The following XPO5 variants were observed in gnomAD, a reference collection of about 807,000 sequenced individuals.
The protein encoded by XPO5 is exportin 5.
Under a neutral mutation model 160.6 loss-of-function variants are expected in XPO5, and 46 were observed. The observed-to-expected ratio is 0.29, with a 90% CI of 0.23 to 0.37. XPO5 has a LOEUF of 0.37. XPO5 is among the 10% of genes least tolerant of loss of function. The pLI is 1.00. For missense variants in XPO5, 1,090 were observed against 1,463.9 expected (o/e 0.74, Z 4.17); for synonymous variants, 537 against 519.3 (o/e 1.03, Z -0.46).
intron 20 of XPO5, chr6:43,539,167 G>T: frequency 9.1e-7 from 1 of 1,099,538 alleles, no homozygotes. Flanking sequence ...TGCAGGGGAC[G>T]GTGTGGGGCT....
At chr6:43,559,134 T>A (rs1291342989) in intron 11 of XPO5, 1 of 152,328 alleles carries the variant, frequency 6.6e-6, no homozygotes, top group African/African-American at 2.4e-5. Flanking sequence ...CTGTCTCTAC[T>A]AAAATACAAA....
At chr6:43,563,127 T>A (rs1324778615) in intron 8 of XPO5, among the ~76,000 whole-genome samples, 1 of 152,118 alleles carries the variant, frequency 6.6e-6, no homozygotes, top group Non-Finnish European at 1.5e-5. Flanking sequence ...TGCTTTAATA[T>A]TTTTTCTTTT....
In XPO5 at chr6:43,555,835, C is replaced by A. The variant is rs990250564; in HGVS notation, c.1441+1G>T. On this transcript the variant is annotated splice_donor_variant, in intron 13 of 31. Transcript: ENST00000265351. LOFTEE classifies it high-confidence loss of function. ...AACATTCAGTAATGAAAAAAACTTACAATTCACAGAACCAGCATCAAGAAA... is the reference window on the plus strand; with the variant it reads ...AACATTCAGTAATGAAAAAAACTTAAAATTCACAGAACCAGCATCAAGAAA... 6.2e-6 allele frequency: 10 copies of A among 1,613,568 alleles called. No homozygotes were observed. The highest frequency in any genetic ancestry group is 3.3e-5 in the Admixed American group (2 of 59,902).
intron 31 of XPO5, 66 bp from the exon 32 acceptor site, chr6:43,524,071 C>T (rs1407303517): frequency 1.3e-5 from 20 of 1,571,136 alleles, no homozygotes; most frequent in Non-Finnish European, 1.7e-5. Context: ...ATTCTCTTGG[C>T]CCGGCGCAGT....
At position 43,567,352 on chromosome 6, in the gene XPO5, C is replaced by T. The variant is rs765845766; in HGVS notation, c.651G>A (p.Ala217=). The change falls in exon 7 of 32, where the codon GCG becomes GCA. Residue 217 remains alanine (A), a splice_region_variant and synonymous_variant. Transcript: ENST00000265351. ...VKTDTSQESK[A]QANCRVGVAA... is the part of the protein sequence containing the mutation. The stretch of plus-strand genomic sequence containing the variant: ...CAACTCCTACTCGACAGTTTGCTTG[C>T]GCCTACCAGAAAAGAAGTAACTTTG... 1.7e-5 allele frequency: 27 copies of T among 1,598,510 alleles called. No homozygotes were observed. Among genetic ancestry groups the T allele is most frequent in the South Asian group, 2.3e-5 (2 of 88,304 alleles).
intron 20 of XPO5, chr6:43,539,574 G>C: frequency 7.3e-7 from 1 of 1,362,798 alleles, no homozygotes; most frequent in Non-Finnish European, 1.0e-6. Context: ...CCTCAGCCCC[G>C]GCCCGGTCCA....
Position 43,565,766 on chromosome 6 carries a change from T to C in XPO5, c.835-30A>G, listed in dbSNP as rs114292491. On this transcript the variant is annotated intron_variant, in intron 7 of 31. Transcript: ENST00000265351. ...ACCCAATTTTAGGGAAACATAGTCATATAAACTATACTTCAAAGTACCGAC... is the reference window on the plus strand; with the variant it reads ...ACCCAATTTTAGGGAAACATAGTCACATAAACTATACTTCAAAGTACCGAC... 65 of 1,525,882 alleles carry C rather than the reference T, an allele frequency of 4.3e-5. No homozygotes were observed. In the African/African-American group the frequency reaches 7.7e-4, roughly 18 times the overall value. The allele number at this position is 1,525,882 out of a possible 1,614,324, so 94.5% of individuals were successfully genotyped here. A position where few individuals can be genotyped will look rare whatever the true frequency, so the allele number is the denominator to read the frequency against.
chr6:43,552,890 G>C (rs999679191), intron 14 of XPO5, among the ~76,000 whole-genome samples: 2 of 152,214 alleles, frequency 1.3e-5, no homozygotes, highest in Non-Finnish European at 2.9e-5. Context: ...AGTGCTTAGA[G>C]TTAGAAAGAC....
chr6:43,560,641 A>G (rs1231702172), intron 10 of XPO5, among the ~76,000 whole-genome samples: 1 of 152,216 alleles, frequency 6.6e-6, no homozygotes, highest in Non-Finnish European at 1.5e-5. Context: ...TTTTGTTTCA[A>G]AAATCTTTAT....
In XPO5 at chr6:43,523,212, C is replaced by T. The variant is rs1793306690; in HGVS notation, c.*656G>A. 2.3e-5 allele frequency: 4 copies of T among 172,610 alleles called. No individual in the cohort carries two copies. In the South Asian group the frequency reaches 5.2e-4, roughly 23 times the overall value. 10.7% of individuals were successfully genotyped at this position (172,610 alleles called of 1,614,324 possible). A position where few individuals can be genotyped will look rare whatever the true frequency, so the allele number is the denominator to read the frequency against. ...GGGGATGTTAGCACTAAAGACTTCC[C>T]AGCCCTGGTCCTTGGAGGTACTATA... On this transcript the variant is annotated 3_prime_UTR_variant, in exon 32 of 32. Coordinates refer to ENST00000265351, the MANE Select transcript of XPO5 (RefSeq NM_020750.3).
intron 8 of XPO5, among the ~76,000 whole-genome samples, chr6:43,563,947 G>A (rs1762551585): frequency 6.6e-6 from 1 of 152,094 alleles, no homozygotes; most frequent in African/African-American, 2.4e-5. Flanking sequence ...TTTAGAGATG[G>A]AGTCTCACTC....
chr6:43,534,379 A>G (rs913256427), intron 20 of XPO5, among the ~76,000 whole-genome samples: 1 of 152,210 alleles, frequency 6.6e-6, no homozygotes. Flanking sequence ...AGGTAGGAAC[A>G]CAGAGGAGGT....
intron 17 of XPO5, among the ~76,000 whole-genome samples, chr6:43,549,157 G>A: frequency 6.6e-6 from 1 of 152,158 alleles, no homozygotes. Flanking sequence ...CGCCTCCTGA[G>A]TTCAAGTGAT....
intron 2 of XPO5, 105 bp downstream of exon 2, chr6:43,573,375 G>A: frequency 7.0e-7 from 1 of 1,426,594 alleles, no homozygotes. Flanking sequence ...CTCTCTTCTT[G>A]GAGATTGCTC....
intron 21 of XPO5, among the ~76,000 whole-genome samples, chr6:43,532,661 T>G (rs1417326366): frequency 6.6e-6 from 1 of 152,190 alleles, no homozygotes; most frequent in Admixed American, 6.5e-5. Flanking sequence ...CCTAGCTAGT[T>G]CGTACTCATC....
In XPO5 at chr6:43,549,561, T is replaced by C. The variant is rs769701064; in HGVS notation, c.1788A>G (p.Ala596=). ...VEESKAPRTR[A]VRNVRRHACS... is the part of the protein sequence containing the mutation. ...AAGCATGCCTCCTCACATTCCTCAC[T>C]GCCCGGGTTCTGGGGGCCTGAAAAG... Residue 596 remains alanine (A), a synonymous_variant, in exon 17 of 32, where the codon GCA becomes GCG. Transcript: ENST00000265351. 1 of 1,613,462 alleles carries C rather than the reference T, an allele frequency of 6.2e-7. No individual in the cohort carries two copies. Among genetic ancestry groups the C allele is most frequent in the Non-Finnish European group, 8.5e-7 (1 of 1,179,734 alleles).
chr6:43,527,754 G>A, intron 25 of XPO5, 23 bp from the exon 26 acceptor site: 1 of 1,613,028 alleles, frequency 6.2e-7, no homozygotes. Context: ...AGGGGGCCAA[G>A]TTCCACAGGA....
At position 43,549,516 on chromosome 6, in the gene XPO5, C is replaced by A; in HGVS notation, c.1833G>T (p.Met611Ile). The change falls in exon 17 of 32, where the codon ATG becomes ATT. Residue 611 changes from methionine (M) to isoleucine (I), a missense_variant. Physicochemically the swap from Met to Ile is conservative, Grantham distance 10 (BLOSUM62 1). Coordinates refer to ENST00000265351, the MANE Select transcript of XPO5 (RefSeq NM_020750.3). ...RRHACSSIIKMCRDYPQLVLP... is the reference protein window; with the variant it reads ...RRHACSSIIKICRDYPQLVLP... ...GCACAAGCTGGGGGTAGTCACGACA[C>A]ATCTTGATGATGGAGGAACAAGCAT... 3.1e-6 allele frequency: 5 copies of A among 1,613,176 alleles called. No individual in the cohort carries two copies. The highest frequency in any genetic ancestry group is 4.2e-6 in the Non-Finnish European group (5 of 1,179,718).
intron 8 of XPO5, among the ~76,000 whole-genome samples, chr6:43,564,851 G>A (rs114061025): frequency 3.0e-3 from 460 of 151,420 alleles, no homozygotes; most frequent in African/African-American, 0.011. Flanking sequence ...CAATCCTCCC[G>A]CCTTGGCCTC....
Sources: gnomAD v4.1 joint callset for allele counts (sites outside exome capture counted in the v4.1 genomes callset) on GRCh38, gnomAD v4.1.1 for gene constraint, MANE v1.5 for transcripts, NCBI Gene and HGNC (gene_info 2026-07-23, HGNC 2026-07-21) for gene names.